Variants in CACNA2D3 observed in about 807,000 individuals in gnomAD.
The protein encoded by CACNA2D3 is calcium voltage-gated channel auxiliary subunit alpha2delta 3.
Under a neutral mutation model 160.6 loss-of-function variants are expected in CACNA2D3, and 60 were observed. The observed-to-expected ratio is 0.37, with a 90% CI of 0.30 to 0.46. The LOEUF (loss-of-function observed/expected upper bound fraction) is 0.46. CACNA2D3 is among the 20% of genes least tolerant of loss of function. The pLI is 1.00. For missense variants in CACNA2D3, 1,205 were observed against 1,365.0 expected, an observed-to-expected ratio of 0.88 and a Z score of 1.85; for synonymous variants, 558 against 492.9, an observed-to-expected ratio of 1.13 and a Z score of -1.75.
intron 35 of CACNA2D3, among the ~76,000 whole-genome samples, chr3:55,071,487 A>G (rs1004733848): frequency 1.3e-5 from 2 of 152,206 alleles, no homozygotes; most frequent in African/African-American, 4.8e-5. Context: ...ATAAATATCT[A>G]CAGAGATTTA....
At chr3:54,738,083 C>CTAGG (rs1575449904) in intron 11 of CACNA2D3, among the ~76,000 whole-genome samples, 2 of 152,138 alleles carry the variant, frequency 1.3e-5, no homozygotes, top group African/African-American at 4.8e-5. Context: ...GTGGCTTGGA[C>CTAGG]TAGGATATTA....
chr3:54,978,408 G>T (rs1010544806), intron 29 of CACNA2D3, among the ~76,000 whole-genome samples: 12 of 152,146 alleles, frequency 7.9e-5, no homozygotes, highest in Non-Finnish European at 1.5e-4. Context: ...TAACTATTGG[G>T]TCTCTTGCAT....
At chr3:54,672,569 G>GA (rs932808899) in intron 11 of CACNA2D3, among the ~76,000 whole-genome samples, 59 of 152,318 alleles carry the variant, frequency 3.9e-4, no homozygotes, top group African/African-American at 1.4e-3. Flanking sequence ...GATTTGTTGG[G>GA]AATAGTATGT....
chr3:54,881,705 A>G (rs1699799827), intron 21 of CACNA2D3, among the ~76,000 whole-genome samples: 1 of 152,164 alleles, frequency 6.6e-6, no homozygotes, highest in South Asian at 2.1e-4. Context: ...GGCCCAGAAC[A>G]GTAGTCTTTC....
At chr3:54,738,418 A>G (rs1701575176) in intron 11 of CACNA2D3, among the ~76,000 whole-genome samples, 1 of 152,210 alleles carries the variant, frequency 6.6e-6, no homozygotes, top group South Asian at 2.1e-4. Flanking sequence ...TAGTCTCCCA[A>G]CTGAAGGAAA....
chr3:54,268,430 A>T (rs916049950), intron 2 of CACNA2D3, among the ~76,000 whole-genome samples: 10 of 152,084 alleles, frequency 6.6e-5, no homozygotes, highest in Admixed American at 2.6e-4. Context: ...ATTTATTGAG[A>T]TGGAGTTTCA....
intron 29 of CACNA2D3, among the ~76,000 whole-genome samples, chr3:54,981,605 T>C (rs1490607601): frequency 6.6e-6 from 1 of 152,150 alleles, no homozygotes; most frequent in Non-Finnish European, 1.5e-5. Flanking sequence ...GTTTACCCTT[T>C]TATTGGCATC....
At chr3:54,183,968 C>T (rs1346467223) in intron 2 of CACNA2D3, among the ~76,000 whole-genome samples, 3 of 147,940 alleles carry the variant, frequency 2.0e-5, no homozygotes, top group South Asian at 2.2e-4. Context: ...ATTACCTTGA[C>T]TGTGGAATCA....
chr3:54,367,860 C>T (rs766282629), intron 3 of CACNA2D3, among the ~76,000 whole-genome samples: 7 of 152,128 alleles, frequency 4.6e-5, no homozygotes. Flanking sequence ...TTCTGCCATC[C>T]GCATGGCCTA....
At chr3:54,615,542 C>T (rs996227088) in intron 9 of CACNA2D3, among the ~76,000 whole-genome samples, 8 of 152,194 alleles carry the variant, frequency 5.3e-5, no homozygotes, top group Non-Finnish European at 7.3e-5. Flanking sequence ...TAAGAGATAT[C>T]TCAATCAATC....
intron 11 of CACNA2D3, among the ~76,000 whole-genome samples, chr3:54,748,291 A>G (rs957332968): frequency 2.0e-5 from 3 of 152,192 alleles, no homozygotes; most frequent in Admixed American, 6.5e-5. Context: ...CAGACTATCT[A>G]TCTTCACCAA....
chr3:54,239,983 C>T (rs1446358014), intron 2 of CACNA2D3, among the ~76,000 whole-genome samples: 4 of 152,122 alleles, frequency 2.6e-5, no homozygotes, highest in Non-Finnish European at 5.9e-5. Context: ...TCACTGCAAA[C>T]GACACCTGTG....
intron 4 of CACNA2D3, among the ~76,000 whole-genome samples, chr3:54,432,171 G>T (rs1700000192): frequency 6.6e-6 from 1 of 152,116 alleles, no homozygotes; most frequent in African/African-American, 2.4e-5. Context: ...AAATGTGTGT[G>T]TTCATAGATA....
At chr3:54,183,842 G>A (rs1328605927) in intron 2 of CACNA2D3, among the ~76,000 whole-genome samples, 3 of 132,466 alleles carry the variant, frequency 2.3e-5, no homozygotes, top group South Asian at 5.1e-4. Context: ...CTGAGATTGC[G>A]CCACTGCACT....
At chr3:54,922,186 T>G (rs1052886746) in intron 27 of CACNA2D3, among the ~76,000 whole-genome samples, 1 of 152,190 alleles carries the variant, frequency 6.6e-6, no homozygotes, top group African/African-American at 2.4e-5. Flanking sequence ...GACTTAAAAC[T>G]ATCAGTTTCC....
intron 2 of CACNA2D3, among the ~76,000 whole-genome samples, chr3:54,243,664 C>T (rs1702014575): frequency 6.6e-6 from 1 of 152,166 alleles, no homozygotes; most frequent in South Asian, 2.1e-4. Context: ...AACAAAATGT[C>T]CCCTCCCTGC....
At chr3:54,868,492 G>A (rs1471851378) in intron 17 of CACNA2D3, among the ~76,000 whole-genome samples, 1 of 152,008 alleles carries the variant, frequency 6.6e-6, no homozygotes, top group Admixed American at 6.6e-5. Context: ...TACCTTTTTG[G>A]TGAAATATAC....
chr3:54,466,020 C>T (rs1364048718), intron 4 of CACNA2D3, among the ~76,000 whole-genome samples: 1 of 152,204 alleles, frequency 6.6e-6, no homozygotes, highest in East Asian at 1.9e-4. Context: ...TCCCCTCCAC[C>T]TTCAAAACCA....
At chr3:54,739,795 G>GT (rs59392089) in intron 11 of CACNA2D3, among the ~76,000 whole-genome samples, 8 of 130,012 alleles carry the variant, frequency 6.2e-5, no homozygotes, top group Middle Eastern at 4.2e-3. Context: ...GTGTGTGTGT[G>GT]GAATTATATA....
Sources: gnomAD v4.1 joint callset for allele counts (sites outside exome capture counted in the v4.1 genomes callset) on GRCh38, gnomAD v4.1.1 for gene constraint, MANE v1.5 for transcripts, NCBI Gene and HGNC (gene_info 2026-07-23, HGNC 2026-07-21) for gene names.